The following ATP2B1 variants were observed in gnomAD, a reference collection of about 807,000 sequenced individuals.
ATP2B1 encodes ATPase plasma membrane Ca2+ transporting 1.
In ATP2B1, 14 loss-of-function variants were observed where a neutral mutation model predicts 124.2. The ratio of observed to expected loss-of-function variants is 0.11; its 90% CI spans 0.07 to 0.18. The LOEUF is 0.18. Among genes scored for constraint, ATP2B1 ranks in the 10% least tolerant of loss-of-function variants. The probability of loss-of-function intolerance (pLI) is 1.00; values close to 1 mark genes in which losing one functional copy is unlikely to be tolerated. For missense variants in ATP2B1, 763 were observed against 1,466.1 expected, an observed-to-expected ratio of 0.52 and a Z score of 7.83; for synonymous variants, 449 against 492.4, an observed-to-expected ratio of 0.91 and a Z score of 1.17.
intron 1 of ATP2B1, among the ~76,000 whole-genome samples, chr12:89,664,956 C>T (rs1373328280): frequency 6.6e-6 from 1 of 151,778 alleles, no homozygotes; most frequent in Non-Finnish European, 1.5e-5. Flanking sequence ...GATTCTCATG[C>T]CTCAGCTGGG....
rs1166514250 is a variant in ATP2B1 at position 89,588,929 on chromosome 12, C to T, written c.*2055G>A. ...AGGGTTCTTCAAGATAGTCCACCAC[C>T]CTTATTTAGGGTAAATGATTTTCCC... On this transcript the variant is annotated 3_prime_UTR_variant, in exon 21 of 21. Coordinates refer to ENST00000428670, the MANE Select transcript of ATP2B1 (RefSeq NM_001366521.1). 1 of 152,472 alleles carries T rather than the reference C, an allele frequency of 6.6e-6. No individual in the cohort carries two copies. Among genetic ancestry groups the T allele is most frequent in the African/African-American group, 2.4e-5 (1 of 41,396 alleles). 9.4% of individuals were successfully genotyped at this position (152,472 alleles called of 1,614,324 possible).
At chr12:89,647,917 G>A (rs76176710) in intron 2 of ATP2B1, among the ~76,000 whole-genome samples, 6,564 of 152,210 alleles carry the variant, frequency 0.043, 227 homozygotes, top group Non-Finnish European at 0.06. Flanking sequence ...ATCATGTAAC[G>A]TGCCTGCTCC....
chr12:89,689,077 T>C (rs1482240588), intron 1 of ATP2B1, among the ~76,000 whole-genome samples: 2 of 152,096 alleles, frequency 1.3e-5, no homozygotes, highest in African/African-American at 2.4e-5. Flanking sequence ...CCTATTCTGA[T>C]TGGCAATAAA....
intron 12 of ATP2B1, among the ~76,000 whole-genome samples, chr12:89,613,571 T>C (rs1416724360): frequency 6.6e-6 from 1 of 152,244 alleles, no homozygotes; most frequent in East Asian, 1.9e-4. Flanking sequence ...AACACTTGTC[T>C]GTTTTATAAA....
chr12:89,652,087 T>C (rs867136526), intron 2 of ATP2B1, among the ~76,000 whole-genome samples: 3 of 152,324 alleles, frequency 2.0e-5, no homozygotes, highest in Middle Eastern at 3.4e-3. Flanking sequence ...TTTTTAAACA[T>C]GTATCGCCAA....
chr12:89,613,621 T>C (rs1056707936), intron 12 of ATP2B1, among the ~76,000 whole-genome samples: 4 of 152,338 alleles, frequency 2.6e-5, no homozygotes, highest in Admixed American at 2.0e-4. Flanking sequence ...ATAAAATCTA[T>C]CTTAAATTTT....
intron 1 of ATP2B1, among the ~76,000 whole-genome samples, chr12:89,687,740 T>C (rs1326441353): frequency 6.6e-6 from 1 of 152,146 alleles, no homozygotes; most frequent in Non-Finnish European, 1.5e-5. Context: ...TTAAAATAAA[T>C]GCTGCTTAAA....
intron 11 of ATP2B1, 30 bp from the exon 12 acceptor site, chr12:89,617,069 A>G (rs766761942): frequency 1.9e-5 from 29 of 1,550,516 alleles, no homozygotes; most frequent in Non-Finnish European, 2.6e-5. Context: ...CCAAACATCA[A>G]TAATTTAAAA....
chr12:89,599,762 T>A (rs1391423497), intron 19 of ATP2B1, among the ~76,000 whole-genome samples: 1 of 152,178 alleles, frequency 6.6e-6, no homozygotes, highest in Non-Finnish European at 1.5e-5. Flanking sequence ...TGAAAATAGT[T>A]TTGTTACATA....
At chr12:89,704,874 A>G (rs1892270680) in intron 1 of ATP2B1, among the ~76,000 whole-genome samples, 1 of 152,152 alleles carries the variant, frequency 6.6e-6, no homozygotes, top group Non-Finnish European at 1.5e-5. Context: ...ATAAAAACTG[A>G]CCATTCAGAT....
Position 89,655,897 on chromosome 12 carries a change from A to C in ATP2B1, c.-11T>G, listed in dbSNP as rs1231093028. 6.5e-7 allele frequency: 1 copy of C among 1,547,300 alleles called. No homozygotes were observed. The stretch of plus-strand genomic sequence containing the variant: ...TGCCATGTCGCCCATTACAAGTATA[A>C]TATATCAGAAGGAAAATGTTTCCCA... On this transcript the variant is annotated 5_prime_UTR_variant, in exon 2 of 21. Transcript: ENST00000428670.
rs759945140 is a variant in ATP2B1 at position 89,655,874 on chromosome 12, C to T, written c.13G>A (p.Ala5Thr). Residue 5 changes from alanine (A) to threonine (T), a missense_variant, in exon 2 of 21, where the codon GCA becomes ACA. Ala to Thr is a moderately conservative substitution (Grantham distance 58). Coordinates refer to ENST00000428670, the MANE Select transcript of ATP2B1 (RefSeq NM_001366521.1). ...CCACTGTAAGCAACTGAGTTGTTTG[C>T]CATGTCGCCCATTACAAGTATAATA... is the stretch of plus-strand genomic sequence containing the variant. The part of the protein sequence containing the change: MGDM[A>T]NNSVAYSGVK... 1.3e-6 allele frequency: 2 copies of T among 1,591,836 alleles called. No individual in the cohort carries two copies. The highest frequency in any genetic ancestry group is 1.7e-6 in the Non-Finnish European group (2 of 1,166,648).
At chr12:89,650,105 A>C (rs1303218894) in intron 2 of ATP2B1, among the ~76,000 whole-genome samples, 3 of 152,204 alleles carry the variant, frequency 2.0e-5, no homozygotes, top group Non-Finnish European at 4.4e-5. Context: ...ACCCTGCCTC[A>C]GGTATTTCTT....
intron 1 of ATP2B1, among the ~76,000 whole-genome samples, chr12:89,703,562 G>T (rs1382083637): frequency 6.6e-6 from 1 of 152,210 alleles, no homozygotes; most frequent in East Asian, 1.9e-4. Flanking sequence ...ACACACTACT[G>T]TAAGGATACA....
intron 1 of ATP2B1, among the ~76,000 whole-genome samples, chr12:89,687,301 A>C (rs1233656626): frequency 6.6e-6 from 1 of 152,122 alleles, no homozygotes. Flanking sequence ...AATATTTAGT[A>C]CAGTAACATG....
intron 1 of ATP2B1, among the ~76,000 whole-genome samples, chr12:89,695,626 T>C (rs1018324864): frequency 6.6e-6 from 1 of 152,092 alleles, no homozygotes; most frequent in African/African-American, 2.4e-5. Context: ...GTCAAACTTC[T>C]GAAGTTTTCT....
chr12:89,646,391 G>A (rs1486336229), intron 2 of ATP2B1, among the ~76,000 whole-genome samples: 1 of 152,126 alleles, frequency 6.6e-6, no homozygotes, highest in Non-Finnish European at 1.5e-5. Context: ...GCTAGGCTGA[G>A]GCTACAGCGT....
chr12:89,651,806 G>C (rs1229236501), intron 2 of ATP2B1, among the ~76,000 whole-genome samples: 1 of 152,140 alleles, frequency 6.6e-6, no homozygotes, highest in African/African-American at 2.4e-5. Context: ...AATAAGACTG[G>C]AGCCAGAGTG....
intron 1 of ATP2B1, among the ~76,000 whole-genome samples, chr12:89,701,537 G>A (rs1891854002): frequency 6.6e-6 from 1 of 152,160 alleles, no homozygotes; most frequent in Non-Finnish European, 1.5e-5. Context: ...TTTTCTGGGA[G>A]ATTTTTAAAA....
Sources: gnomAD v4.1 joint callset for allele counts (sites outside exome capture counted in the v4.1 genomes callset) on GRCh38, gnomAD v4.1.1 for gene constraint, MANE v1.5 for transcripts, NCBI Gene and HGNC (gene_info 2026-07-23, HGNC 2026-07-21) for gene names.